The following CPXM2 variants were observed in gnomAD, a reference collection of about 807,000 sequenced individuals.
CPXM2 encodes the protein carboxypeptidase X, M14 family member 2.
A neutral mutation model predicts 86.1 loss-of-function variants in CPXM2; 66 were observed. The ratio of observed to expected loss-of-function variants is 0.77; its 90% confidence interval spans 0.63 to 0.94. CPXM2 has a LOEUF of 0.94. Ranked by LOEUF, CPXM2 falls within the 40% of genes least tolerant of loss-of-function variation. CPXM2 has a pLI of 0.00. For synonymous variants in CPXM2, 388 were observed against 400.2 expected (o/e 0.97, Z 0.36); for missense variants, 948 against 1,026.3 (o/e 0.92, Z 1.04).
rs1846156863 is a variant in CPXM2 at position 123,754,606 on chromosome 10, T to C, written c.2017+57A>G. 1 of 921,970 alleles carries C rather than the reference T, an allele frequency of 1.1e-6. No homozygotes were observed. Among genetic ancestry groups the C allele is most frequent in the South Asian group, 1.3e-5 (1 of 74,828 alleles). The allele number at this position is 921,970 out of a possible 1,614,324, so 57.1% of individuals were successfully genotyped here. ...TTTCATGATTGTAACCCAAGTAAAA[T>C]GCCTAAAAAAATGGGTATTTCTTAC... is the stretch of plus-strand genomic sequence containing the variant. On this transcript the variant is annotated intron_variant, in intron 13 of 13. Transcript: ENST00000241305. The surrounding 1 kb of genome is among the most constrained non-coding windows in gnomAD (Gnocchi z 4.0).
chr10:123,903,549 G>A (rs1184186298), intron 2 of CPXM2, among the ~76,000 whole-genome samples: 4 of 152,154 alleles, frequency 2.6e-5, no homozygotes, highest in Admixed American at 1.3e-4. Context: ...GTCCTGTCCC[G>A]CCACCTTTGC....
chr10:123,790,728 C>A lies in CPXM2; in HGVS notation c.889+7248G>T, dbSNP rs542337869. 3.9e-5 allele frequency among the ~76,000 whole-genome samples: 6 copies of A among 152,182 alleles called. No individual in the cohort carries two copies. The South Asian group carries it at 1.2e-3, about 32-fold the overall frequency. On this transcript the variant is annotated intron_variant, in intron 6 of 13. Transcript: ENST00000241305. ...GTCTCCCCCATCGTGCCAAGAGAGACGGGGGCAGCAAGTGTGTCTATCTTA... is the reference window on the plus strand; with the variant it reads ...GTCTCCCCCATCGTGCCAAGAGAGAAGGGGGCAGCAAGTGTGTCTATCTTA...
chr10:123,752,293 C>A (rs1288547886), intron 13 of CPXM2: 50 of 985,102 alleles, frequency 5.1e-5, no homozygotes, highest in Non-Finnish European at 5.7e-5. Context: ...CTACTACGTA[C>A]AAAATTCCAT....
chr10:123,746,725 T>C lies in CPXM2; in HGVS notation c.*39A>G. ...GGAGCTACTACCAGGTTGGTTTAAT[T>C]TGCATGGGTCCCAGACGAGTCTCAA... is the stretch of plus-strand genomic sequence containing the variant. On this transcript the variant is annotated 3_prime_UTR_variant, in exon 14 of 14. Transcript: ENST00000241305. The C allele has an allele frequency of 1.2e-6, 2 of 1,604,140 alleles. No homozygotes were observed. Among genetic ancestry groups the C allele is most frequent in the South Asian group, 1.1e-5 (1 of 90,142 alleles).
upstream of CPXM2, chr10:123,892,037 A>C (rs2134252160): frequency 6.6e-6 from 1 of 152,212 alleles, no homozygotes; most frequent in Middle Eastern, 3.4e-3. Flanking sequence ...CAGAGACGCT[A>C]ATGAGTTTCA....
intron 4 of CPXM2, among the ~76,000 whole-genome samples, chr10:123,816,368 T>G (rs988353147): frequency 1.3e-5 from 2 of 152,182 alleles, no homozygotes; most frequent in Non-Finnish European, 2.9e-5. Flanking sequence ...AAAGGCCAAA[T>G]GGAAGCCTTT....
chr10:123,844,749 G>T (rs1244789610), intron 3 of CPXM2, among the ~76,000 whole-genome samples: 2 of 152,148 alleles, frequency 1.3e-5, no homozygotes, highest in African/African-American at 4.8e-5. Flanking sequence ...GAGGAATCCT[G>T]AATGACTCAG....
At chr10:123,932,949 G>A (rs1254522715) in intron 2 of CPXM2, among the ~76,000 whole-genome samples, 1 of 152,308 alleles carries the variant, frequency 6.6e-6, no homozygotes, top group African/African-American at 2.4e-5. Flanking sequence ...TGGGTCTCCT[G>A]GAGCACAACT....
At chr10:123,783,107 C>T (rs770279937) in intron 6 of CPXM2, among the ~76,000 whole-genome samples, 2 of 152,346 alleles carry the variant, frequency 1.3e-5, no homozygotes, top group East Asian at 1.9e-4. Context: ...CCCTCAGTTC[C>T]GGGAATTGCC....
chr10:123,898,611 T>C (rs1281274254), intron 2 of CPXM2, among the ~76,000 whole-genome samples: 1 of 152,214 alleles, frequency 6.6e-6, no homozygotes. Context: ...CAATCCAGCC[T>C]GGGCAACAGA....
At chr10:123,812,759 G>T (rs935990550) in intron 4 of CPXM2, among the ~76,000 whole-genome samples, 2 of 152,188 alleles carry the variant, frequency 1.3e-5, no homozygotes, top group Admixed American at 1.3e-4. Flanking sequence ...TAGGTTGCAT[G>T]CTCCTTATGA....
At chr10:123,785,757 C>G (rs200388775) in intron 6 of CPXM2, among the ~76,000 whole-genome samples, 1 of 151,882 alleles carries the variant, frequency 6.6e-6, no homozygotes, top group South Asian at 2.1e-4. Flanking sequence ...CTCAGCCTCC[C>G]GAGTAGCTGG....
intron 7 of CPXM2, chr10:123,777,702 T>C (rs1162839554): frequency 6.6e-6 from 1 of 152,652 alleles, no homozygotes; most frequent in Non-Finnish European, 1.5e-5. Flanking sequence ...CCACCACCCC[T>C]GCCTGCCAGT....
At chr10:123,861,571 G>A (rs554324611) in intron 3 of CPXM2, among the ~76,000 whole-genome samples, 1 of 152,198 alleles carries the variant, frequency 6.6e-6, no homozygotes, top group African/African-American at 2.4e-5. Context: ...AGGCTATCCA[G>A]GTGGGCCCGG....
chr10:123,778,723 CAAGA>C (rs1846862336), intron 7 of CPXM2, among the ~76,000 whole-genome samples: 1 of 152,196 alleles, frequency 6.6e-6, no homozygotes, highest in Non-Finnish European at 1.5e-5. Flanking sequence ...TTTCTGAGCT[CAAGA>C]AGCTGTCCTG....
intron 12 of CPXM2, among the ~76,000 whole-genome samples, chr10:123,755,495 T>C (rs550842227): frequency 2.6e-5 from 4 of 152,336 alleles, no homozygotes; most frequent in Middle Eastern, 6.8e-3. Context: ...CATTAGAATG[T>C]CCAGAGGCTT....
chr10:123,796,352 G>A (rs1380276570), intron 6 of CPXM2, among the ~76,000 whole-genome samples: 1 of 152,244 alleles, frequency 6.6e-6, no homozygotes, highest in East Asian at 1.9e-4. Flanking sequence ...AGAAACAACT[G>A]AACTTCCAAC....
intron 2 of CPXM2, among the ~76,000 whole-genome samples, chr10:123,912,861 T>C (rs1298824740): frequency 6.6e-6 from 1 of 152,248 alleles, no homozygotes; most frequent in Non-Finnish European, 1.5e-5. Context: ...ACTTTGTTGT[T>C]GTTTTCATTT....
chr10:123,760,376 T>A (rs1231112921), intron 11 of CPXM2, among the ~76,000 whole-genome samples: 1 of 151,980 alleles, frequency 6.6e-6, no homozygotes, highest in East Asian at 1.9e-4. Flanking sequence ...AGATTTGCAT[T>A]TTTTTTTATT....
Sources: gnomAD v4.1 joint callset for allele counts (sites outside exome capture counted in the v4.1 genomes callset) on GRCh38, gnomAD v4.1.1 for gene constraint, Gnocchi (gnomAD v3.1) non-coding constraint, MANE v1.5 for transcripts, NCBI Gene and HGNC (gene_info 2026-07-23, HGNC 2026-07-21) for gene names.